GAS2: variants seen among roughly 807,000 people sequenced by gnomAD.
GAS2 encodes the protein growth arrest-specific protein 2.
In GAS2, 20 loss-of-function variants were observed where a neutral mutation model predicts 37.5. That is an observed-to-expected ratio of 0.53 (90% CI 0.37 to 0.77). The LOEUF is 0.77. Ranked by LOEUF, GAS2 falls within the 30% of genes least tolerant of loss-of-function variation. The pLI is 0.00. For synonymous variants in GAS2, 144 were observed against 132.2 expected (o/e 1.09, Z -0.61); for missense variants, 336 against 373.4 (o/e 0.90, Z 0.82).
At chr11:22,798,370 A>G (rs938846062) in intron 7 of GAS2, among the ~76,000 whole-genome samples, 4 of 152,042 alleles carry the variant, frequency 2.6e-5, no homozygotes, top group Admixed American at 6.6e-5. Flanking sequence ...AGGAATTACT[A>G]TAGTCATTAT....
At chr11:22,758,476 G>A (rs985198405) in intron 7 of GAS2, among the ~76,000 whole-genome samples, 11 of 152,134 alleles carry the variant, frequency 7.2e-5, no homozygotes, top group African/African-American at 2.7e-4. Context: ...CACCCTGAGA[G>A]CAGCAGTGTA....
Position 22,811,830 on chromosome 11 carries a change from G to A in GAS2, c.756G>A (p.Val252=). 6.2e-7 allele frequency: 1 copy of A among 1,614,094 alleles called. No individual in the cohort carries two copies. Among genetic ancestry groups the A allele is most frequent in the East Asian group, 2.2e-5 (1 of 44,890 alleles). The stretch of plus-strand genomic sequence containing the variant: ...ACAACAAACATGTCATGGTCCGTGT[G>A]GGAGGAGGCTGGGAAACTTTTGCAG... ...MLHNKHVMVR[V]GGGWETFAGY... The change falls in exon 8 of 8, where the codon GTG becomes GTA. Residue 252 remains valine (V), a synonymous_variant. Coordinates refer to ENST00000454584, the MANE Select transcript of GAS2 (RefSeq NM_001143830.3).
At chr11:22,800,042 A>G (rs1856592333) in intron 7 of GAS2, among the ~76,000 whole-genome samples, 1 of 152,078 alleles carries the variant, frequency 6.6e-6, no homozygotes, top group African/African-American at 2.4e-5. Context: ...GGAGTGAGTA[A>G]TTTGTTGAGT....
intron 1 of GAS2, among the ~76,000 whole-genome samples, chr11:22,668,786 T>C (rs555376019): frequency 6.6e-6 from 1 of 152,338 alleles, no homozygotes; most frequent in South Asian, 2.1e-4. Flanking sequence ...GAAGGCATGA[T>C]GAGGCTGTAA....
intron 2 of GAS2, among the ~76,000 whole-genome samples, chr11:22,682,869 T>TAAAA (rs371098220): frequency 2.5e-5 from 2 of 78,854 alleles, no homozygotes; most frequent in Non-Finnish European, 4.3e-5. Context: ...CACTTTCTGC[T>TAAAA]AAAAAAAAAA....
chr11:22,768,143 A>C (rs190708022), intron 7 of GAS2, among the ~76,000 whole-genome samples: 1 of 152,214 alleles, frequency 6.6e-6, no homozygotes, highest in East Asian at 1.9e-4. Context: ...TAGAAGCAGA[A>C]TAAGATCTTA....
chr11:22,714,628 C>G (rs1439508657), intron 3 of GAS2, among the ~76,000 whole-genome samples: 1 of 152,104 alleles, frequency 6.6e-6, no homozygotes, highest in Admixed American at 6.5e-5. Flanking sequence ...AAACAAGTCT[C>G]AATAAATTTA....
At chr11:22,644,907 A>C (rs953045004) in intron 1 of GAS2, among the ~76,000 whole-genome samples, 3 of 152,136 alleles carry the variant, frequency 2.0e-5, no homozygotes, top group Admixed American at 6.5e-5. Context: ...TACAGGCATG[A>C]GCCACCACTA....
chr11:22,788,875 C>T (rs945580778), intron 7 of GAS2, among the ~76,000 whole-genome samples: 1 of 151,852 alleles, frequency 6.6e-6, no homozygotes, highest in Non-Finnish European at 1.5e-5. Flanking sequence ...ATTGTATTTC[C>T]TTCACAAAAT....
chr11:22,742,634 T>C (rs1181449350), intron 5 of GAS2, among the ~76,000 whole-genome samples: 1 of 152,088 alleles, frequency 6.6e-6, no homozygotes, highest in Non-Finnish European at 1.5e-5. Context: ...ATTTTTTATG[T>C]TCAGCGGCAT....
At position 22,657,523 on chromosome 11, in the gene GAS2, C is replaced by T. The variant is rs978817113; in HGVS notation, c.-20-17327C>T. ...GTGTGGGCTTCATTGGTTGTTCCTG[C>T]GTGTGTGTGTGTGCACCACCCCCTC... is the stretch of plus-strand genomic sequence containing the variant. On this transcript the variant is annotated intron_variant, in intron 1 of 5. Transcript: ENST00000528582. Among the ~76,000 whole-genome samples the T allele has an allele frequency of 9.2e-5, 14 of 151,492 alleles. No homozygotes were observed. In the East Asian group the frequency reaches 1.6e-3, roughly 17 times the overall value.
intron 3 of GAS2, among the ~76,000 whole-genome samples, chr11:22,688,861 T>G (rs1203484548): frequency 2.6e-5 from 4 of 152,184 alleles, no homozygotes; most frequent in Admixed American, 1.3e-4. Context: ...GCAGCACTAT[T>G]CACTACTGCA....
chr11:22,688,129 G>T (rs1048462833), intron 3 of GAS2, among the ~76,000 whole-genome samples: 1 of 152,136 alleles, frequency 6.6e-6, no homozygotes, highest in Non-Finnish European at 1.5e-5. Context: ...AGTGCATTTT[G>T]CTTGGGTTCT....
intron 3 of GAS2, among the ~76,000 whole-genome samples, chr11:22,713,424 A>G (rs1446627304): frequency 6.6e-6 from 1 of 152,150 alleles, no homozygotes; most frequent in African/African-American, 2.4e-5. Flanking sequence ...AAAAGTTTGG[A>G]AAATTTATTT....
At chr11:22,742,865 T>C (rs1853163836) in intron 5 of GAS2, among the ~76,000 whole-genome samples, 1 of 152,120 alleles carries the variant, frequency 6.6e-6, no homozygotes, top group Non-Finnish European at 1.5e-5. Flanking sequence ...CCACCTACAA[T>C]TACAAATGAA....
At chr11:22,747,608 T>C (rs1377647894) in intron 5 of GAS2, among the ~76,000 whole-genome samples, 2 of 152,048 alleles carry the variant, frequency 1.3e-5, no homozygotes, top group East Asian at 3.9e-4. Context: ...CATGTCACCT[T>C]TACAGCTAAA....
At chr11:22,732,523 T>A (rs746424745) in intron 4 of GAS2, among the ~76,000 whole-genome samples, 2 of 151,758 alleles carry the variant, frequency 1.3e-5, no homozygotes, top group African/African-American at 4.8e-5. Context: ...TTTTCCTTCT[T>A]CTCAGCAGCC....
chr11:22,730,719 C>A (rs1852430167), intron 4 of GAS2, among the ~76,000 whole-genome samples: 1 of 151,516 alleles, frequency 6.6e-6, no homozygotes, highest in Admixed American at 6.6e-5. Flanking sequence ...ACAAAATAGA[C>A]CCCAATAATT....
intron 4 of GAS2, among the ~76,000 whole-genome samples, chr11:22,735,940 A>C (rs1852730409): frequency 6.6e-6 from 1 of 151,082 alleles, no homozygotes; most frequent in Admixed American, 6.6e-5. Flanking sequence ...TCCTCTCCTC[A>C]GTTTTTACAT....
Sources: gnomAD v4.1 joint callset for allele counts (sites outside exome capture counted in the v4.1 genomes callset) on GRCh38, gnomAD v4.1.1 for gene constraint, MANE v1.5 for transcripts, NCBI Gene and HGNC (gene_info 2026-07-23, HGNC 2026-07-21) for gene names.